Variants in CNTNAP5 observed in about 807,000 individuals in gnomAD.
CNTNAP5 encodes contactin-associated protein-like 5.
A neutral mutation model predicts 150.2 loss-of-function variants in CNTNAP5; 72 were observed. That is an observed-to-expected ratio of 0.48 (90% CI 0.40 to 0.58). CNTNAP5 has a LOEUF of 0.58. Ranked by LOEUF, CNTNAP5 falls within the 20% of genes least tolerant of loss-of-function variation. The pLI, the probability that CNTNAP5 is intolerant of heterozygous loss-of-function variation, is 0.00. For synonymous variants in CNTNAP5, 672 were observed against 619.8 expected (o/e 1.08, Z -1.25); for missense variants, 1,636 against 1,626.2 (o/e 1.01, Z -0.10).
intron 19 of CNTNAP5, among the ~76,000 whole-genome samples, chr2:124,803,563 G>A (rs1682016325): frequency 6.6e-6 from 1 of 152,148 alleles, no homozygotes; most frequent in African/African-American, 2.4e-5. Context: ...CTTCTGGGGA[G>A]GCTGTGCAGC....
Position 124,103,355 on chromosome 2 carries a change from G to T in CNTNAP5, c.82+77623G>T, listed in dbSNP as rs189102099. On this transcript the variant is annotated intron_variant, in intron 1 of 23. Coordinates refer to ENST00000682447, the MANE Select transcript of CNTNAP5 (RefSeq NM_001367498.1). ...GAATAATTTTTTAAAATAAGTGTAG[G>T]GTAGGCTAAGTGTACAGTGTTTATA... 3.8e-4 allele frequency among the ~76,000 whole-genome samples: 58 copies of T among 151,496 alleles called. No individual in the cohort carries two copies. In the East Asian group the frequency reaches 6.8e-3, roughly 18 times the overall value.
intron 3 of CNTNAP5, among the ~76,000 whole-genome samples, chr2:124,383,431 A>T (rs547328255): frequency 6.6e-6 from 1 of 152,144 alleles, no homozygotes; most frequent in African/African-American, 2.4e-5. Flanking sequence ...TGTCTGCACC[A>T]TGAAACCTTT....
At chr2:124,152,452 G>A (rs1417639642) in intron 1 of CNTNAP5, among the ~76,000 whole-genome samples, 1 of 152,180 alleles carries the variant, frequency 6.6e-6, no homozygotes, top group Admixed American at 6.5e-5. Context: ...TGGCAGAGCT[G>A]GAGTCGCAGA....
At chr2:124,275,771 C>A (rs1416497659) in intron 3 of CNTNAP5, among the ~76,000 whole-genome samples, 1 of 152,098 alleles carries the variant, frequency 6.6e-6, no homozygotes, top group Non-Finnish European at 1.5e-5. Flanking sequence ...TCTACAATCT[C>A]CAGTATTCTT....
chr2:124,915,778 T>C lies in CNTNAP5; in HGVS notation c.*1490T>C, dbSNP rs978087275. Among the ~76,000 whole-genome samples the C allele has an allele frequency of 6.6e-6, 1 of 152,052 alleles. No individual in the cohort carries two copies. Among genetic ancestry groups the C allele is most frequent in the African/African-American group, 2.4e-5 (1 of 41,432 alleles). ...CATCCATGGGGTGGCGGTAAAGATCTTAATGATTTTTCTGTGGCAATATGC... is the reference window on the plus strand; with the variant it reads ...CATCCATGGGGTGGCGGTAAAGATCCTAATGATTTTTCTGTGGCAATATGC... On this transcript the variant is annotated 3_prime_UTR_variant, in exon 24 of 24. Transcript: ENST00000682447.
At chr2:124,486,091 G>C (rs1693874347) in intron 7 of CNTNAP5, among the ~76,000 whole-genome samples, 1 of 152,080 alleles carries the variant, frequency 6.6e-6, no homozygotes, top group Non-Finnish European at 1.5e-5. Flanking sequence ...GGAAAATGTG[G>C]TATATATGAA....
rs34441550 is a variant in CNTNAP5, at chr2:124,477,656, ATT to A, written c.1062+2792_1062+2793del. On this transcript the variant is annotated intron_variant, in intron 7 of 23. Coordinates refer to ENST00000682447, the MANE Select transcript of CNTNAP5 (RefSeq NM_001367498.1). Reference sequence around the variant, plus strand: ...ACATAAACACTGGCTTGCTCATGACATTTTTTTTTTTTTTTTTTTGATTCTAG... The same window carrying A: ...ACATAAACACTGGCTTGCTCATGACATTTTTTTTTTTTTTTTTGATTCTAG... Among the ~76,000 whole-genome samples the A allele has an allele frequency of 8.0e-3, 1,019 of 127,424 alleles. 4 individuals carry two copies. Among genetic ancestry groups the A allele is most frequent in the African/African-American group, 0.012 (431 of 35,390 alleles). The allele number at this position is 127,424 out of a possible 152,430, so 83.6% of individuals were successfully genotyped here.
chr2:124,640,712 G>C (rs563798464), intron 12 of CNTNAP5, among the ~76,000 whole-genome samples: 2 of 152,164 alleles, frequency 1.3e-5, no homozygotes, highest in African/African-American at 2.4e-5. Flanking sequence ...CCTCAGTAAA[G>C]GTTCCCAGAA....
At chr2:124,213,139 A>G (rs898962127) in intron 1 of CNTNAP5, among the ~76,000 whole-genome samples, 1 of 151,986 alleles carries the variant, frequency 6.6e-6, no homozygotes, top group South Asian at 2.1e-4. Flanking sequence ...GGCCTGGCCT[A>G]TGTGTAGATA....
At chr2:124,868,506 T>C (rs1365256732) in intron 20 of CNTNAP5, among the ~76,000 whole-genome samples, 2 of 152,196 alleles carry the variant, frequency 1.3e-5, no homozygotes, top group Non-Finnish European at 2.9e-5. Context: ...TCATTCTCAT[T>C]GAGGCCATCT....
chr2:124,736,270 T>C (rs1169030942), intron 13 of CNTNAP5, among the ~76,000 whole-genome samples: 2 of 152,146 alleles, frequency 1.3e-5, no homozygotes, highest in Admixed American at 6.6e-5. Context: ...AAAATGACTT[T>C]AGATTTTTCC....
chr2:124,437,658 T>G (rs916301896), intron 5 of CNTNAP5, among the ~76,000 whole-genome samples: 2 of 152,186 alleles, frequency 1.3e-5, no homozygotes, highest in Non-Finnish European at 2.9e-5. Flanking sequence ...TTAAATATTA[T>G]TCTAAAATAC....
intron 3 of CNTNAP5, among the ~76,000 whole-genome samples, chr2:124,325,431 A>AAAGGGAG (rs1689192145): frequency 6.6e-6 from 1 of 152,230 alleles, no homozygotes; most frequent in South Asian, 2.1e-4. Flanking sequence ...CACTAATGTG[A>AAAGGGAG]AAGGGAGAAG....
chr2:124,144,077 A>C (rs1181039940), intron 1 of CNTNAP5, among the ~76,000 whole-genome samples: 2 of 144,806 alleles, frequency 1.4e-5, no homozygotes, highest in Non-Finnish European at 3.0e-5. Flanking sequence ...TAGGAATCCA[A>C]CTTACAAGGG....
chr2:124,471,941 G>A (rs184599614), intron 6 of CNTNAP5, among the ~76,000 whole-genome samples: 2 of 152,078 alleles, frequency 1.3e-5, no homozygotes, highest in Non-Finnish European at 1.5e-5. Context: ...AGGAGATTTT[G>A]TAATACTTTT....
At chr2:124,614,167 C>G (rs1378594253) in intron 12 of CNTNAP5, among the ~76,000 whole-genome samples, 1 of 152,138 alleles carries the variant, frequency 6.6e-6, no homozygotes, top group Non-Finnish European at 1.5e-5. Flanking sequence ...AATAGTGTGT[C>G]TATATTAGTT....
chr2:124,811,607 G>A (rs542772158), intron 19 of CNTNAP5, among the ~76,000 whole-genome samples: 50 of 151,026 alleles, frequency 3.3e-4, no homozygotes, highest in African/African-American at 1.2e-3. Context: ...TATTCAATGA[G>A]TGAATGAAGG....
chr2:124,330,921 A>T (rs965449168), intron 3 of CNTNAP5, among the ~76,000 whole-genome samples: 1 of 152,132 alleles, frequency 6.6e-6, no homozygotes, highest in Non-Finnish European at 1.5e-5. Flanking sequence ...AAAAATTATA[A>T]CCTCTCATTA....
chr2:124,529,222 C>A (rs1487163397), intron 10 of CNTNAP5, among the ~76,000 whole-genome samples: 1 of 152,064 alleles, frequency 6.6e-6, no homozygotes, highest in Non-Finnish European at 1.5e-5. Flanking sequence ...GAGAAGCATC[C>A]TACTTCATCA....
Sources: allele counts gnomAD v4.1 joint callset (sites outside exome capture counted in the v4.1 genomes callset), GRCh38; gene constraint gnomAD v4.1.1; transcripts MANE v1.5; gene names NCBI Gene and HGNC (gene_info 2026-07-23, HGNC 2026-07-21).